The following FOS variants were observed in gnomAD, a reference collection of about 807,000 sequenced individuals.
FOS encodes protein c-Fos.
A neutral mutation model predicts 27.2 loss-of-function variants in FOS; 9 were observed. That is an observed-to-expected ratio of 0.33 (90% CI 0.20 to 0.58). FOS has a LOEUF of 0.58. Ranked by LOEUF, FOS falls within the 20% of genes least tolerant of loss-of-function variation. The probability of loss-of-function intolerance (pLI) is 0.87; values close to 1 mark genes in which losing one functional copy is unlikely to be tolerated. For missense variants in FOS, 405 were observed against 483.5 expected, an observed-to-expected ratio of 0.84 and a Z score of 1.52; for synonymous variants, 213 against 205.1, an observed-to-expected ratio of 1.04 and a Z score of -0.33.
In FOS at chr14:75,279,970, C is replaced by A; in HGVS notation, c.235C>A (p.Pro79Thr). ...TSPDLQWLVQ[P>T]ALVSSVAPSQ... Reference sequence around the variant, plus strand: ...TCCGGACCTGCAGTGGCTGGTGCAGCCCGCCCTCGTCTCCTCCGTGGCCCC... The same window carrying A: ...TCCGGACCTGCAGTGGCTGGTGCAGACCGCCCTCGTCTCCTCCGTGGCCCC... Residue 79 changes from proline (P) to threonine (T), a missense_variant, in exon 2 of 4, where the codon CCC becomes ACC. Transcript: ENST00000303562. This position sits in a 1 kb window ranked among gnomAD's most constrained non-coding sequence, Gnocchi z 5.4. 1 of 1,614,156 alleles carries A rather than the reference C, an allele frequency of 6.2e-7. No homozygotes were observed.
Position 75,278,851 on chromosome 14 carries a change from G to T in FOS, c.-132G>T. ...CCAACCGCATCTGCAGCGAGCATCTGAGAAGCCAAGACTGAGCCGGCGGCC... is the reference window on the plus strand; with the variant it reads ...CCAACCGCATCTGCAGCGAGCATCTTAGAAGCCAAGACTGAGCCGGCGGCC... On this transcript the variant is annotated 5_prime_UTR_variant, in exon 1 of 4. Transcript: ENST00000303562. This position sits in a 1 kb window ranked among gnomAD's most constrained non-coding sequence, Gnocchi z 4.1. 1 of 1,070,112 alleles carries T rather than the reference G, an allele frequency of 9.3e-7. No homozygotes were observed. The highest frequency in any genetic ancestry group is 1.5e-5 in the South Asian group (1 of 66,564). The allele number at this position is 1,070,112 out of a possible 1,614,324, so 66.3% of individuals were successfully genotyped here.
At position 75,279,123 on chromosome 14, in the gene FOS, G is replaced by A. The variant is rs768770253; in HGVS notation, c.141G>A (p.Gln47=). 67 of 1,612,828 alleles carry A rather than the reference G, an allele frequency of 4.2e-5. No individual in the cohort carries two copies. The Middle Eastern group carries it at 1.2e-3, about 28-fold the overall frequency. Residue 47 remains glutamine, a splice_region_variant and synonymous_variant, in exon 1 of 4, where the codon CAG becomes CAA. Coordinates refer to ENST00000303562, the MANE Select transcript of FOS (RefSeq NM_005252.4). The surrounding 1 kb of genome is among the most constrained non-coding windows in gnomAD (Gnocchi z 5.4). ...FSSMGSPVNA[Q]DFCTDLAVSS... ...GCATGGGCTCGCCTGTCAACGCGCA[G>A]GTAAGGCTGGCTTCCCGTCGCCGCG... is the stretch of plus-strand genomic sequence containing the variant.
At position 75,278,893 on chromosome 14, in the gene FOS, G is replaced by A; in HGVS notation, c.-90G>A. On this transcript the variant is annotated 5_prime_UTR_variant, in exon 1 of 4. Coordinates refer to ENST00000303562, the MANE Select transcript of FOS (RefSeq NM_005252.4). This position sits in a 1 kb window ranked among gnomAD's most constrained non-coding sequence, Gnocchi z 4.1. ...CCGGCGGCCGCGGCGCAGCGAACGAGCAGTGACCGTGCTCCTACCCAGCTC... is the reference window on the plus strand; with the variant it reads ...CCGGCGGCCGCGGCGCAGCGAACGAACAGTGACCGTGCTCCTACCCAGCTC... 1 of 1,508,644 alleles carries A rather than the reference G, an allele frequency of 6.6e-7. No individual in the cohort carries two copies. The allele number at this position is 1,508,644 out of a possible 1,614,324, so 93.5% of individuals were successfully genotyped here. A position where few individuals can be genotyped will look rare whatever the true frequency, so the allele number is the denominator to read the frequency against.
chr14:75,281,747 A>C lies in FOS; in HGVS notation c.*323A>C, dbSNP rs923572220. 3.0e-5 allele frequency: 11 copies of C among 363,418 alleles called. No homozygotes were observed. Among genetic ancestry groups the C allele is most frequent in the African/African-American group, 2.2e-4 (11 of 49,308 alleles). The allele number at this position is 363,418 out of a possible 1,614,324, so 22.5% of individuals were successfully genotyped here. A position where few individuals can be genotyped will look rare whatever the true frequency, so the allele number is the denominator to read the frequency against. ...TTTTCTCTTTCTCCTTAGTCTTCTC[A>C]TAGCATTAACTAATCTATTGGGTTC... On this transcript the variant is annotated 3_prime_UTR_variant, in exon 4 of 4. Coordinates refer to ENST00000303562, the MANE Select transcript of FOS (RefSeq NM_005252.4). The surrounding 1 kb of genome is among the most constrained non-coding windows in gnomAD (Gnocchi z 4.7).
chr14:75,282,096 A>T lies in FOS; in HGVS notation c.*672A>T, dbSNP rs1300150688. 2 of 152,636 alleles carry T rather than the reference A, an allele frequency of 1.3e-5. No individual in the cohort carries two copies. Among genetic ancestry groups the T allele is most frequent in the African/African-American group, 4.8e-5 (2 of 41,466 alleles). The allele number at this position is 152,636 out of a possible 1,614,324, so 9.5% of individuals were successfully genotyped here. A position where few individuals can be genotyped will look rare whatever the true frequency, so the allele number is the denominator to read the frequency against. ...TATTTATTAAGATGGATTCTCAGAT[A>T]TTTATATTTTTATTTTATTTTTTTC... On this transcript the variant is annotated 3_prime_UTR_variant, in exon 4 of 4. Transcript: ENST00000303562.
chr14:75,281,525 G>T lies in FOS; in HGVS notation c.*101G>T. 7.7e-7 allele frequency: 1 copy of T among 1,293,458 alleles called. No homozygotes were observed. 80.1% of individuals were successfully genotyped at this position (1,293,458 alleles called of 1,614,324 possible). The stretch of plus-strand genomic sequence containing the variant: ...ACATCTTCCCTAGAGGGTTCCTGTA[G>T]ACCTAGGGAGGACCTTATCTGTGCG... On this transcript the variant is annotated 3_prime_UTR_variant, in exon 4 of 4. Transcript: ENST00000303562. The surrounding 1 kb of genome is among the most constrained non-coding windows in gnomAD (Gnocchi z 4.7).
Position 75,281,171 on chromosome 14 carries a change from C to T in FOS, c.890C>T (p.Ser297Phe). 6.2e-7 allele frequency: 1 copy of T among 1,611,780 alleles called. No homozygotes were observed. Among genetic ancestry groups the T allele is most frequent in the South Asian group, 1.1e-5 (1 of 91,084 alleles). The change falls in exon 4 of 4, where the codon TCC becomes TTC. Residue 297 changes from serine (S) to phenylalanine (F), a missense_variant. Ser to Phe is a radical substitution (Grantham distance 155). Transcript: ENST00000303562. This position sits in a 1 kb window ranked among gnomAD's most constrained non-coding sequence, Gnocchi z 4.7. ...RSVPDMDLSG[S>F]FYAADWEPLH... ...GTGCCAGACATGGACCTATCTGGGT[C>T]CTTCTATGCAGCAGACTGGGAGCCT...
intron 2 of FOS, 148 bp downstream of exon 2, chr14:75,280,276 C>A: frequency 9.6e-7 from 1 of 1,039,880 alleles, no homozygotes. Context: ...AAGCCCATTC[C>A]ATCCCAACTC....
rs751520557 is a variant in FOS at position 75,280,161 on chromosome 14, G to C, written c.393+33G>C. 2.5e-6 allele frequency: 4 copies of C among 1,613,208 alleles called. No individual in the cohort carries two copies. The South Asian group carries it at 4.4e-5, about 18-fold the overall frequency. ...ACTCTAGCGTACTCTTCCTGGGAATGTGGGGGCTGGGTGGGAAGCAGCCCC... is the reference window on the plus strand; with the variant it reads ...ACTCTAGCGTACTCTTCCTGGGAATCTGGGGGCTGGGTGGGAAGCAGCCCC... On this transcript the variant is annotated intron_variant, in intron 2 of 3. Coordinates refer to ENST00000303562, the MANE Select transcript of FOS (RefSeq NM_005252.4).
At position 75,281,914 on chromosome 14, in the gene FOS, T is replaced by A. The variant is rs1897233724; in HGVS notation, c.*490T>A. The A allele has an allele frequency of 1.2e-5, 2 of 162,396 alleles. No individual in the cohort carries two copies. Among genetic ancestry groups the A allele is most frequent in the South Asian group, 3.0e-4 (2 of 6,636 alleles). The allele number at this position is 162,396 out of a possible 1,614,324, so 10.1% of individuals were successfully genotyped here. A position where few individuals can be genotyped will look rare whatever the true frequency, so the allele number is the denominator to read the frequency against. On this transcript the variant is annotated 3_prime_UTR_variant, in exon 4 of 4. Coordinates refer to ENST00000303562, the MANE Select transcript of FOS (RefSeq NM_005252.4). The surrounding 1 kb of genome is among the most constrained non-coding windows in gnomAD (Gnocchi z 4.7). ...ATACTAAGAAAAGATACGACTTTATTTTCTGGTAGATAGAAATAAATAGCT... is the reference window on the plus strand; with the variant it reads ...ATACTAAGAAAAGATACGACTTTATATTCTGGTAGATAGAAATAAATAGCT...
Position 75,281,004 on chromosome 14 carries a change from G to C in FOS, c.723G>C (p.Leu241=), listed in dbSNP as rs768855096. ...CGGAGTCTGAGGAGGCCTTCACCCT[G>C]CCTCTCCTCAATGACCCTGAGCCCA... ...ATPESEEAFT[L]PLLNDPEPKP... Residue 241 remains leucine, a synonymous_variant, in exon 4 of 4, where the codon CTG becomes CTC. Coordinates refer to ENST00000303562, the MANE Select transcript of FOS (RefSeq NM_005252.4). The surrounding 1 kb of genome is among the most constrained non-coding windows in gnomAD (Gnocchi z 4.7). The C allele has an allele frequency of 6.2e-7, 1 of 1,614,060 alleles. No individual in the cohort carries two copies. The highest frequency in any genetic ancestry group is 1.1e-5 in the South Asian group (1 of 91,080).
In FOS at chr14:75,279,142, C is replaced by A. The variant is rs1897197170; in HGVS notation, c.141+19C>A. 1 of 1,611,492 alleles carries A rather than the reference C, an allele frequency of 6.2e-7. No homozygotes were observed. The highest frequency in any genetic ancestry group is 1.1e-5 in the South Asian group (1 of 91,062). ...CGCGCAGGTAAGGCTGGCTTCCCGT[C>A]GCCGCGGGGCCGGGGGCTTGGGGTC... On this transcript the variant is annotated intron_variant, in intron 1 of 3. Coordinates refer to ENST00000303562, the MANE Select transcript of FOS (RefSeq NM_005252.4). This position sits in a 1 kb window ranked among gnomAD's most constrained non-coding sequence, Gnocchi z 5.4.
At position 75,280,889 on chromosome 14, in the gene FOS, C is replaced by T. The variant is rs548805146; in HGVS notation, c.608C>T (p.Ala203Val). The T allele has an allele frequency of 7.4e-6, 12 of 1,614,182 alleles. No individual in the cohort carries two copies. The South Asian group carries it at 1.2e-4, about 16-fold the overall frequency. ...TTCATCCTGGCAGCTCACCGACCTGCCTGCAAGATCCCTGATGACCTGGGC... is the reference window on the plus strand; with the variant it reads ...TTCATCCTGGCAGCTCACCGACCTGTCTGCAAGATCCCTGATGACCTGGGC... ...LEFILAAHRP[A>V]CKIPDDLGFP... Residue 203 changes from alanine to valine, a missense_variant, in exon 4 of 4, where the codon GCC becomes GTC. Coordinates refer to ENST00000303562, the MANE Select transcript of FOS (RefSeq NM_005252.4).
chr14:75,281,045 C>A lies in FOS; in HGVS notation c.764C>A (p.Pro255His). 6.2e-7 allele frequency: 1 copy of A among 1,613,496 alleles called. No homozygotes were observed. Among genetic ancestry groups the A allele is most frequent in the Non-Finnish European group, 8.5e-7 (1 of 1,180,030 alleles). ...NDPEPKPSVE[P>H]VKSISSMELK... is the part of the protein sequence containing the mutation. ...CCTGAGCCCAAGCCCTCAGTGGAAC[C>A]TGTCAAGAGCATCAGCAGCATGGAG... Residue 255 changes from proline to histidine, a missense_variant, in exon 4 of 4, where the codon CCT (proline) becomes CAT (histidine). Physicochemically the swap from Pro to His is moderately conservative, Grantham distance 77. Coordinates refer to ENST00000303562, the MANE Select transcript of FOS (RefSeq NM_005252.4). The surrounding 1 kb of genome is among the most constrained non-coding windows in gnomAD (Gnocchi z 4.7).
rs1566699903 is a variant in FOS at position 75,278,981 on chromosome 14, C to A, written c.-2C>A. Reference sequence around the variant, plus strand: ...CTCGCCCGGCTTTGCCTAACCGCCACGATGATGTTCTCGGGCTTCAACGCA... The same window carrying A: ...CTCGCCCGGCTTTGCCTAACCGCCAAGATGATGTTCTCGGGCTTCAACGCA... On this transcript the variant is annotated 5_prime_UTR_variant, in exon 1 of 4. Coordinates refer to ENST00000303562, the MANE Select transcript of FOS (RefSeq NM_005252.4). This position sits in a 1 kb window ranked among gnomAD's most constrained non-coding sequence, Gnocchi z 4.1. 3 of 1,613,598 alleles carry A rather than the reference C, an allele frequency of 1.9e-6. No homozygotes were observed. Among genetic ancestry groups the A allele is most frequent in the East Asian group, 4.5e-5 (2 of 44,862 alleles).
chr14:75,280,597 G>A lies in FOS; in HGVS notation c.431G>A (p.Arg144Lys). ...GAAGAAGAGAAAAGGAGAATCCGAA[G>A]GGAAAGGAATAAGATGGCTGCAGCC... ...PEEEEKRRIR[R>K]ERNKMAAAKC... Residue 144 changes from arginine (R) to lysine (K), a missense_variant, in exon 3 of 4, where the codon AGG becomes AAG. Coordinates refer to ENST00000303562, the MANE Select transcript of FOS (RefSeq NM_005252.4). 3 of 1,614,124 alleles carry A rather than the reference G, an allele frequency of 1.9e-6. No homozygotes were observed. Among genetic ancestry groups the A allele is most frequent in the Non-Finnish European group, 2.5e-6 (3 of 1,179,986 alleles).
In FOS at chr14:75,279,065, C is replaced by T. The variant is rs563193220; in HGVS notation, c.83C>T (p.Ser28Phe). 3 of 1,613,758 alleles carry T rather than the reference C, an allele frequency of 1.9e-6. No homozygotes were observed. The African/African-American group carries it at 4.0e-5, about 22-fold the overall frequency. ...GCGTCCCCGGCCGGGGATAGCCTCTCTTACTACCACTCACCCGCAGACTCC... is the reference window on the plus strand; with the variant it reads ...GCGTCCCCGGCCGGGGATAGCCTCTTTTACTACCACTCACCCGCAGACTCC... ...SSASPAGDSL[S>F]YYHSPADSFS... is the part of the protein sequence containing the mutation. Residue 28 changes from serine to phenylalanine, a missense_variant, in exon 1 of 4, where the codon TCT becomes TTT. Ser to Phe is a radical substitution (Grantham distance 155). Transcript: ENST00000303562. This position sits in a 1 kb window ranked among gnomAD's most constrained non-coding sequence, Gnocchi z 5.4.
In FOS at chr14:75,279,374, G is replaced by T; in HGVS notation, c.141+251G>T. ...CAACCTCTGGTCTGCACTCCAGGAC[G>T]GATCTCTGACATTAGCTGGAGCAGA... is the stretch of plus-strand genomic sequence containing the variant. On this transcript the variant is annotated intron_variant, in intron 1 of 3. Transcript: ENST00000303562. This position sits in a 1 kb window ranked among gnomAD's most constrained non-coding sequence, Gnocchi z 5.4. The T allele has an allele frequency of 1.8e-6, 1 of 553,680 alleles. No homozygotes were observed. The highest frequency in any genetic ancestry group is 3.2e-6 in the Non-Finnish European group (1 of 314,378). The allele number at this position is 553,680 out of a possible 1,614,324, so 34.3% of individuals were successfully genotyped here.
At position 75,281,044 on chromosome 14, in the gene FOS, C is replaced by T. The variant is rs754137168; in HGVS notation, c.763C>T (p.Pro255Ser). The stretch of plus-strand genomic sequence containing the variant: ...CCCTGAGCCCAAGCCCTCAGTGGAA[C>T]CTGTCAAGAGCATCAGCAGCATGGA... ...NDPEPKPSVEPVKSISSMELK... is the reference protein window; with the variant it reads ...NDPEPKPSVESVKSISSMELK... Residue 255 changes from proline (P) to serine (S), a missense_variant, in exon 4 of 4, where the codon CCT becomes TCT. Transcript: ENST00000303562. The surrounding 1 kb of genome is among the most constrained non-coding windows in gnomAD (Gnocchi z 4.7). 10 of 1,613,452 alleles carry T rather than the reference C, an allele frequency of 6.2e-6. No individual in the cohort carries two copies. In the East Asian group the frequency reaches 1.8e-4, roughly 29 times the overall value.
Sources: gnomAD v4.1 joint callset for allele counts on GRCh38, gnomAD v4.1.1 for gene constraint, Gnocchi (gnomAD v3.1) non-coding constraint, MANE v1.5 for transcripts, NCBI Gene and HGNC (gene_info 2026-07-23, HGNC 2026-07-21) for gene names.